TPST1: variants seen among roughly 807,000 people sequenced by gnomAD.
The protein encoded by TPST1 is tyrosylprotein sulfotransferase 1.
Under a neutral mutation model 34.8 loss-of-function variants are expected in TPST1, and 20 were observed. The observed-to-expected ratio is 0.57, with a 90% CI of 0.40 to 0.84. The LOEUF (loss-of-function observed/expected upper bound fraction) is 0.84, where lower values mean the gene tolerates loss of function less well. TPST1 is among the 40% of genes least tolerant of loss of function. The pLI is 0.00. For synonymous variants in TPST1, 152 were observed against 159.4 expected, an observed-to-expected ratio of 0.95 and a Z score of 0.35; for missense variants, 353 against 455.5, an observed-to-expected ratio of 0.78 and a Z score of 2.05.
rs1454069966 is a variant in TPST1 at position 66,240,318 on chromosome 7, C to G, written c.-101-7C>G. The G allele has an allele frequency of 6.7e-6, 9 of 1,334,366 alleles. No individual in the cohort carries two copies. In the Admixed American group the frequency reaches 1.9e-4, roughly 28 times the overall value. 82.7% of individuals were successfully genotyped at this position (1,334,366 alleles called of 1,614,324 possible). On this transcript the variant is annotated splice_region_variant and splice_polypyrimidine_tract_variant and intron_variant, in intron 1 of 5. Transcript: ENST00000304842. ...AATGATAAATAACCTTTTCCTTTCT[C>G]TACTAGATGTTGGTTATCTTTCTGA...
chr7:66,308,171 A>G (rs988946049), intron 3 of TPST1, among the ~76,000 whole-genome samples: 1 of 152,192 alleles, frequency 6.6e-6, no homozygotes, highest in Non-Finnish European at 1.5e-5. Flanking sequence ...AGCCAGTGGT[A>G]AAGTGTTCAG....
At chr7:66,255,097 A>C (rs1255034648) in intron 2 of TPST1, among the ~76,000 whole-genome samples, 4 of 146,938 alleles carry the variant, frequency 2.7e-5, no homozygotes, top group Non-Finnish European at 5.9e-5. Context: ...CAGTGAGCGG[A>C]GATCATGCCA....
intron 1 of TPST1, among the ~76,000 whole-genome samples, chr7:66,210,341 G>C (rs1297550687): frequency 6.6e-6 from 1 of 152,244 alleles, no homozygotes; most frequent in Admixed American, 6.5e-5. Context: ...GCCTGAGAGA[G>C]CAGTTGGCCC....
intron 3 of TPST1, among the ~76,000 whole-genome samples, chr7:66,313,265 A>T (rs1584231343): frequency 6.6e-6 from 1 of 152,136 alleles, no homozygotes; most frequent in Middle Eastern, 3.4e-3. Context: ...AATACAAAAA[A>T]TTAGCTGGGT....
intron 1 of TPST1, among the ~76,000 whole-genome samples, chr7:66,212,363 G>C (rs1789281165): frequency 6.6e-6 from 1 of 152,098 alleles, no homozygotes; most frequent in Non-Finnish European, 1.5e-5. Context: ...ATTGGTGATG[G>C]GTAGGAAGAA....
At chr7:66,348,001 A>G (rs1792390158) in intron 3 of TPST1, among the ~76,000 whole-genome samples, 1 of 152,190 alleles carries the variant, frequency 6.6e-6, no homozygotes, top group Non-Finnish European at 1.5e-5. Flanking sequence ...ACAGAATGAA[A>G]TATTTAAAGT....
At chr7:66,284,598 C>G (rs1394675362) in intron 2 of TPST1, among the ~76,000 whole-genome samples, 3 of 131,382 alleles carry the variant, frequency 2.3e-5, no homozygotes, top group Non-Finnish European at 3.1e-5. Flanking sequence ...ACCCTGTTGC[C>G]TAGTCTGGAG....
chr7:66,322,682 C>A (rs958167739), intron 3 of TPST1, among the ~76,000 whole-genome samples: 8 of 152,322 alleles, frequency 5.3e-5, no homozygotes, highest in African/African-American at 1.9e-4. Flanking sequence ...AATAGTGCTG[C>A]AGTGAACATG....
At chr7:66,242,211 TTTTG>T (rs1370842530) in intron 2 of TPST1, among the ~76,000 whole-genome samples, 7 of 152,090 alleles carry the variant, frequency 4.6e-5, no homozygotes, top group African/African-American at 1.4e-4. Flanking sequence ...TAAATTTTAT[TTTTG>T]TTTTTTTTCT....
intron 2 of TPST1, among the ~76,000 whole-genome samples, chr7:66,281,503 G>C (rs181144252): frequency 6.6e-6 from 1 of 152,030 alleles, no homozygotes; most frequent in Non-Finnish European, 1.5e-5. Context: ...ATTCAATTTA[G>C]GAACTCATTA....
chr7:66,215,596 G>A (rs911572894), intron 1 of TPST1, among the ~76,000 whole-genome samples: 39 of 151,556 alleles, frequency 2.6e-4, no homozygotes, highest in African/African-American at 8.0e-4. Context: ...GGATGGTCTC[G>A]ATCTCCTGAC....
At chr7:66,337,611 C>G (rs1792147561) in intron 3 of TPST1, among the ~76,000 whole-genome samples, 1 of 151,806 alleles carries the variant, frequency 6.6e-6, no homozygotes, top group Non-Finnish European at 1.5e-5. Context: ...GTCCGGCCGA[C>G]AAAACTATTA....
chr7:66,345,194 ACAAG>A (rs1387859412), intron 3 of TPST1, among the ~76,000 whole-genome samples: 7 of 151,856 alleles, frequency 4.6e-5, no homozygotes, highest in Non-Finnish European at 7.4e-5. Context: ...AGTTAAGAAA[ACAAG>A]CAAGATCAAT....
At chr7:66,258,857 T>TA (rs1790431580) in intron 2 of TPST1, among the ~76,000 whole-genome samples, 2 of 152,234 alleles carry the variant, frequency 1.3e-5, no homozygotes, top group South Asian at 4.1e-4. Flanking sequence ...AGTGTGGACT[T>TA]ATGGTTCTAA....
intron 3 of TPST1, among the ~76,000 whole-genome samples, chr7:66,345,627 G>T (rs1211597027): frequency 6.6e-6 from 1 of 151,798 alleles, no homozygotes; most frequent in Non-Finnish European, 1.5e-5. Flanking sequence ...CCTATGGAGA[G>T]TGGAGTGAAA....
rs73363478 is a variant in TPST1 at position 66,220,524 on chromosome 7, C to T, written c.-102+15002C>T. On this transcript the variant is annotated intron_variant, in intron 1 of 5. Transcript: ENST00000304842. ...TGGCAGAGAGCTTTCAGGAAAGCTG[C>T]GCAGGAAAGATGGCATTAAAGTGGA... 7.6e-3 allele frequency among the ~76,000 whole-genome samples: 1,150 copies of T among 152,002 alleles called. 18 individuals are homozygous for T. Among genetic ancestry groups the T allele is most frequent in the African/African-American group, 0.026 (1,079 of 41,434 alleles).
chr7:66,223,957 G>A (rs942169208), intron 1 of TPST1, among the ~76,000 whole-genome samples: 1 of 152,284 alleles, frequency 6.6e-6, no homozygotes, highest in East Asian at 1.9e-4. Context: ...TTGTGTTCTA[G>A]GCATTAGGTC....
intron 3 of TPST1, among the ~76,000 whole-genome samples, chr7:66,338,776 A>G (rs1333763613): frequency 6.6e-6 from 1 of 152,136 alleles, no homozygotes; most frequent in African/African-American, 2.4e-5. Context: ...GAAACAAAAT[A>G]CCAAAACCTA....
intron 2 of TPST1, among the ~76,000 whole-genome samples, chr7:66,274,421 G>A (rs1180174253): frequency 1.3e-5 from 2 of 150,948 alleles, no homozygotes; most frequent in Non-Finnish European, 2.9e-5. Flanking sequence ...ACAGGCATGA[G>A]CCACCTGTAC....
Sources: allele counts gnomAD v4.1 joint callset (sites outside exome capture counted in the v4.1 genomes callset), GRCh38; gene constraint gnomAD v4.1.1; transcripts MANE v1.5; gene names NCBI Gene and HGNC (gene_info 2026-07-23, HGNC 2026-07-21).